The following MGMT variants were observed in gnomAD, a reference collection of about 807,000 sequenced individuals.
The protein encoded by MGMT is O-6-methylguanine-DNA methyltransferase.
Under a neutral mutation model 15.9 loss-of-function variants are expected in MGMT, and 14 were observed. That is an observed-to-expected ratio of 0.88 (90% CI 0.58 to 1.37). The LOEUF (loss-of-function observed/expected upper bound fraction) is 1.37, where lower values mean the gene tolerates loss of function less well. Among genes scored for constraint, MGMT ranks in the 40% most tolerant of loss-of-function variants. The pLI, the probability that MGMT is intolerant of heterozygous loss-of-function variation, is 0.00. For missense variants in MGMT, 282 were observed against 268.1 expected (o/e 1.05, Z -0.36); for synonymous variants, 130 against 118.2 (o/e 1.10, Z -0.65).
chr10:129,730,940 A>C lies in MGMT; in HGVS notation c.274+22897A>C, dbSNP rs537785305. On this transcript the variant is annotated intron_variant, in intron 3 of 4. Coordinates refer to ENST00000651593, the MANE Select transcript of MGMT (RefSeq NM_002412.5). ...CTTAGGCATAATTCTTTTGTTAAAT[A>C]AGTTTAGGAGGCTCTAAGTATTGGG... Among the ~76,000 whole-genome samples the C allele has an allele frequency of 3.3e-5, 5 of 152,316 alleles. No individual in the cohort carries two copies. In the South Asian group the frequency reaches 1.0e-3, roughly 32 times the overall value.
At chr10:129,648,803 C>T (rs189640109) in intron 2 of MGMT, among the ~76,000 whole-genome samples, 1 of 152,300 alleles carries the variant, frequency 6.6e-6, no homozygotes, top group East Asian at 1.9e-4. Flanking sequence ...GACTGGCTCC[C>T]ATGTTAAGGT....
At chr10:129,580,749 A>G in intron 2 of MGMT, among the ~76,000 whole-genome samples, 1 of 152,216 alleles carries the variant, frequency 6.6e-6, no homozygotes. Flanking sequence ...CCCCGTGACC[A>G]TGGATGCCCC....
chr10:129,470,031 C>G (rs551549053), intron 1 of MGMT, among the ~76,000 whole-genome samples: 1 of 152,106 alleles, frequency 6.6e-6, no homozygotes, highest in Non-Finnish European at 1.5e-5. Flanking sequence ...ATTATTTAAA[C>G]GAAACCTGAA....
At chr10:129,656,136 C>T (rs568317937) in intron 2 of MGMT, among the ~76,000 whole-genome samples, 3 of 152,286 alleles carry the variant, frequency 2.0e-5, no homozygotes, top group South Asian at 2.1e-4. Context: ...GTAGTTGGTG[C>T]GGTGCCCCTC....
chr10:129,500,430 G>A (rs1011294698), intron 1 of MGMT, among the ~76,000 whole-genome samples: 5 of 152,202 alleles, frequency 3.3e-5, no homozygotes, highest in African/African-American at 4.8e-5. Flanking sequence ...CTGCTCACTC[G>A]AAATGGGACC....
intron 2 of MGMT, among the ~76,000 whole-genome samples, chr10:129,704,209 T>C (rs1162034817): frequency 1.3e-5 from 2 of 152,064 alleles, no homozygotes; most frequent in African/African-American, 4.8e-5. Flanking sequence ...AAGTTCTCCT[T>C]TCCGTGGCCA....
intron 3 of MGMT, among the ~76,000 whole-genome samples, chr10:129,716,844 CTG>C (rs1288891169): frequency 6.6e-6 from 1 of 152,188 alleles, no homozygotes; most frequent in Non-Finnish European, 1.5e-5. Flanking sequence ...TTGAAAATAA[CTG>C]TGAAGGAGCC....
chr10:129,665,774 G>A (rs1028428310), intron 2 of MGMT, among the ~76,000 whole-genome samples: 6 of 152,210 alleles, frequency 3.9e-5, no homozygotes, highest in African/African-American at 1.2e-4. Context: ...AAATGTTAAT[G>A]TCATGAAAGA....
At chr10:129,543,465 G>A (rs1248876740) in intron 2 of MGMT, among the ~76,000 whole-genome samples, 2 of 152,166 alleles carry the variant, frequency 1.3e-5, no homozygotes, top group Non-Finnish European at 2.9e-5. Context: ...CCACAGAAGA[G>A]CGAGGTTCTG....
At chr10:129,567,343 C>T (rs1419254046) in intron 2 of MGMT, among the ~76,000 whole-genome samples, 3 of 152,108 alleles carry the variant, frequency 2.0e-5, no homozygotes, top group African/African-American at 7.2e-5. Context: ...ATCATAGACC[C>T]AGCAGGACAG....
At chr10:129,636,516 A>C (rs1847266839) in intron 2 of MGMT, among the ~76,000 whole-genome samples, 1 of 152,212 alleles carries the variant, frequency 6.6e-6, no homozygotes, top group South Asian at 2.1e-4. Context: ...TTTCAGTTTT[A>C]CTTTTTATTT....
intron 2 of MGMT, among the ~76,000 whole-genome samples, chr10:129,677,319 A>T (rs965251710): frequency 6.6e-6 from 1 of 152,178 alleles, no homozygotes; most frequent in African/African-American, 2.4e-5. Context: ...TTTATGTAAT[A>T]CCATTTTATT....
At chr10:129,548,577 T>A (rs1400529050) in intron 2 of MGMT, among the ~76,000 whole-genome samples, 2 of 152,238 alleles carry the variant, frequency 1.3e-5, no homozygotes, top group Non-Finnish European at 2.9e-5. Flanking sequence ...ACAAAACTTT[T>A]ATTGAAAATA....
chr10:129,582,162 G>A (rs1393643822), intron 2 of MGMT, among the ~76,000 whole-genome samples: 1 of 152,210 alleles, frequency 6.6e-6, no homozygotes, highest in Non-Finnish European at 1.5e-5. Flanking sequence ...TTCCAGGGTG[G>A]TGGGAAGCAG....
In MGMT at chr10:129,533,723, A is replaced by T. The variant is rs1845956793; in HGVS notation, c.-12-2518A>T. 6.6e-6 allele frequency among the ~76,000 whole-genome samples: 1 copy of T among 151,914 alleles called. No homozygotes were observed. On this transcript the variant is annotated intron_variant, in intron 1 of 4. Transcript: ENST00000651593. The surrounding 1 kb of genome is among the most constrained non-coding windows in gnomAD (Gnocchi z 4.5). ...ATTTTATGAGCCCCTTGTGTGTGTG[A>T]TGTGTGCTGTTCTTCAGGGAGCCCT...
rs540073323 is a variant in MGMT, at chr10:129,730,504, G to A, written c.274+22461G>A. On this transcript the variant is annotated intron_variant, in intron 3 of 4. Coordinates refer to ENST00000651593, the MANE Select transcript of MGMT (RefSeq NM_002412.5). ...GCATCCTGTGTCTGCAAGGTCTGGCGTGTTTCTAAGGGAAGGCAGAGAAAG... is the reference window on the plus strand; with the variant it reads ...GCATCCTGTGTCTGCAAGGTCTGGCATGTTTCTAAGGGAAGGCAGAGAAAG... Among the ~76,000 whole-genome samples the A allele has an allele frequency of 3.3e-4, 51 of 152,338 alleles. No homozygotes were observed. The South Asian group carries it at 7.1e-3, about 21-fold the overall frequency.
intron 1 of MGMT, among the ~76,000 whole-genome samples, chr10:129,507,128 T>G (rs991918719): frequency 1.3e-5 from 2 of 151,978 alleles, no homozygotes; most frequent in African/African-American, 2.4e-5. Context: ...CGACGACCAG[T>G]TCCTGTGAGG....
intron 2 of MGMT, among the ~76,000 whole-genome samples, chr10:129,646,639 G>T (rs929540491): frequency 6.7e-6 from 1 of 148,724 alleles, no homozygotes; most frequent in Non-Finnish European, 1.5e-5. Context: ...TTAACACGTG[G>T]CATCCTCACT....
chr10:129,511,109 A>G (rs1176769385), intron 1 of MGMT, among the ~76,000 whole-genome samples: 1 of 142,458 alleles, frequency 7.0e-6, no homozygotes, highest in African/African-American at 2.8e-5. Flanking sequence ...GCTTCATGTG[A>G]TGGGAACCCA....
Sources: allele counts gnomAD v4.1 joint callset (sites outside exome capture counted in the v4.1 genomes callset), GRCh38; gene constraint gnomAD v4.1.1; non-coding constraint Gnocchi (gnomAD v3.1); transcripts MANE v1.5; gene names NCBI Gene and HGNC (gene_info 2026-07-23, HGNC 2026-07-21).